Variants in KCNH5 observed in about 807,000 individuals in gnomAD.
KCNH5 encodes potassium voltage-gated channel subfamily H member 5, also known as voltage-gated delayed rectifier potassium channel KCNH5.
Under a neutral mutation model 96.1 loss-of-function variants are expected in KCNH5, and 46 were observed. That is an observed-to-expected ratio of 0.48 (90% CI 0.38 to 0.61). The LOEUF (loss-of-function observed/expected upper bound fraction) is 0.61. Ranked by LOEUF, KCNH5 falls within the 20% of genes least tolerant of loss-of-function variation. The pLI is 0.00. For missense variants in KCNH5, 907 were observed against 1,225.8 expected (o/e 0.74, Z 3.88); for synonymous variants, 439 against 449.8 (o/e 0.98, Z 0.30).
At chr14:62,835,647 A>G (rs1222128882) in intron 8 of KCNH5, among the ~76,000 whole-genome samples, 1 of 152,080 alleles carries the variant, frequency 6.6e-6, no homozygotes. Context: ...GGCATAACTG[A>G]TGCCTTGACA....
intron 6 of KCNH5, among the ~76,000 whole-genome samples, chr14:62,961,421 TG>T (rs1245351016): frequency 3.3e-5 from 5 of 152,168 alleles, no homozygotes; most frequent in African/African-American, 1.2e-4. Context: ...GGCTTAAAAA[TG>T]TAACCCCCTC....
intron 10 of KCNH5, among the ~76,000 whole-genome samples, chr14:62,777,715 T>A (rs1439863835): frequency 1.3e-5 from 2 of 152,204 alleles, no homozygotes; most frequent in Non-Finnish European, 2.9e-5. Flanking sequence ...TTGGCACCCA[T>A]GGAGACAGGC....
chr14:62,873,064 G>A (rs956173355), intron 7 of KCNH5, among the ~76,000 whole-genome samples: 1 of 150,726 alleles, frequency 6.6e-6, no homozygotes, highest in Admixed American at 6.6e-5. Context: ...GCAGGAGAAT[G>A]GTGTGAACCC....
intron 7 of KCNH5, among the ~76,000 whole-genome samples, chr14:62,920,077 G>C (rs753994628): frequency 1.3e-5 from 2 of 152,104 alleles, no homozygotes. Context: ...TCTCCATGAT[G>C]AGTTGGCAGT....
chr14:62,773,499 C>G (rs576006588), intron 10 of KCNH5, among the ~76,000 whole-genome samples: 2 of 152,236 alleles, frequency 1.3e-5, no homozygotes, highest in South Asian at 4.2e-4. Context: ...GGCACCTGGT[C>G]TTTTATGTCC....
chr14:62,834,926 G>T (rs574312740), intron 8 of KCNH5, among the ~76,000 whole-genome samples: 1 of 151,934 alleles, frequency 6.6e-6, no homozygotes, highest in East Asian at 1.9e-4. Flanking sequence ...ACCCATAAAA[G>T]CTAAACTGTT....
At chr14:62,979,633 TAA>T (rs1890568787) in intron 6 of KCNH5, among the ~76,000 whole-genome samples, 1 of 152,132 alleles carries the variant, frequency 6.6e-6, no homozygotes, top group African/African-American at 2.4e-5. Flanking sequence ...TTAGGATAAT[TAA>T]GTTAGTAATA....
chr14:62,813,507 T>C (rs1013886923), intron 8 of KCNH5, among the ~76,000 whole-genome samples: 1 of 152,202 alleles, frequency 6.6e-6, no homozygotes, highest in Non-Finnish European at 1.5e-5. Flanking sequence ...GTATTGATTA[T>C]CTATAAAATC....
At chr14:62,967,009 G>A (rs1890317437) in intron 6 of KCNH5, among the ~76,000 whole-genome samples, 1 of 152,090 alleles carries the variant, frequency 6.6e-6, no homozygotes, top group Non-Finnish European at 1.5e-5. Context: ...TTTTTAACAG[G>A]TTGTGTTGGT....
At position 62,874,541 on chromosome 14, in the gene KCNH5, G is replaced by A. The variant is rs375622200; in HGVS notation, c.1370-24689C>T. The stretch of plus-strand genomic sequence containing the variant: ...GGGATGCAAGGCTGGTTCAATATAC[G>A]CAAATCAATAAATGTAATCCAGCAT... On this transcript the variant is annotated intron_variant, in intron 7 of 10. Transcript: ENST00000322893. 2.8e-3 allele frequency among the ~76,000 whole-genome samples: 421 copies of A among 151,928 alleles called. 3 individuals carry two copies. Among genetic ancestry groups the A allele is most frequent in the East Asian group, 0.022 (111 of 5,156 alleles).
chr14:62,756,353 T>C (rs149030499), intron 10 of KCNH5, among the ~76,000 whole-genome samples: 5 of 152,216 alleles, frequency 3.3e-5, no homozygotes, highest in African/African-American at 1.2e-4. Context: ...AGAATCAATA[T>C]TGTTAAAATG....
chr14:62,868,697 C>T (rs943644448), intron 7 of KCNH5, among the ~76,000 whole-genome samples: 22 of 152,130 alleles, frequency 1.4e-4, no homozygotes, highest in African/African-American at 4.8e-4. Flanking sequence ...TCCCCCTACC[C>T]GCTGACAGGC....
chr14:62,736,934 C>G (rs1399632274), intron 10 of KCNH5, among the ~76,000 whole-genome samples: 1 of 152,166 alleles, frequency 6.6e-6, no homozygotes, highest in Admixed American at 6.6e-5. Flanking sequence ...TAACTGGCTT[C>G]CATTCTGTCC....
chr14:62,927,009 C>A (rs905844932), intron 7 of KCNH5, among the ~76,000 whole-genome samples: 1 of 151,972 alleles, frequency 6.6e-6, no homozygotes, highest in South Asian at 2.1e-4. Context: ...GATATAAACC[C>A]AATAAAAGGC....
At chr14:63,045,056 G>C in intron 1 of KCNH5, 58 bp downstream of exon 1, 1 of 1,314,482 alleles carries the variant, frequency 7.6e-7, no homozygotes, top group South Asian at 1.2e-5. Context: ...TGGGGAGGAT[G>C]GGGGGCGCGT....
chr14:62,876,902 C>T (rs12589686), intron 7 of KCNH5, among the ~76,000 whole-genome samples: 11,049 of 152,240 alleles, frequency 0.073, 526 homozygotes, highest in East Asian at 0.12. Flanking sequence ...TCTTACTTCA[C>T]ATTATATGTA....
At chr14:62,863,252 G>T (rs954393772) in intron 7 of KCNH5, among the ~76,000 whole-genome samples, 1 of 152,086 alleles carries the variant, frequency 6.6e-6, no homozygotes, top group Non-Finnish European at 1.5e-5. Context: ...GATACAAATG[G>T]AATTAAACTT....
intron 7 of KCNH5, among the ~76,000 whole-genome samples, chr14:62,908,182 C>T (rs1889066823): frequency 6.6e-6 from 1 of 152,138 alleles, no homozygotes; most frequent in African/African-American, 2.4e-5. Flanking sequence ...TGTTAAGCAT[C>T]AATATGTAGT....
At chr14:62,890,775 C>CAAG (rs1439609356) in intron 7 of KCNH5, among the ~76,000 whole-genome samples, 1 of 150,454 alleles carries the variant, frequency 6.6e-6, no homozygotes, top group African/African-American at 2.5e-5. Flanking sequence ...ATGCAGCCAA[C>CAAG]AAGCACATGC....
Sources: allele counts gnomAD v4.1 joint callset (sites outside exome capture counted in the v4.1 genomes callset), GRCh38; gene constraint gnomAD v4.1.1; transcripts MANE v1.5; gene names NCBI Gene and HGNC (gene_info 2026-07-23, HGNC 2026-07-21).